Variants in SMOC2 observed in about 807,000 individuals in gnomAD.
SMOC2 encodes the protein SPARC-related modular calcium-binding protein 2.
SMOC2 carries 39 observed loss-of-function variants against 61.4 expected under a neutral mutation model. The observed-to-expected ratio is 0.64, with a 90% CI of 0.49 to 0.83. SMOC2 has a LOEUF of 0.83. SMOC2 is among the 40% of genes least tolerant of loss of function. SMOC2 has a pLI of 0.00. For missense variants in SMOC2, 556 were observed against 592.9 expected, an observed-to-expected ratio of 0.94 and a Z score of 0.65; for synonymous variants, 247 against 239.9, an observed-to-expected ratio of 1.03 and a Z score of -0.27.
intron 7 of SMOC2, among the ~76,000 whole-genome samples, chr6:168,566,522 G>A (rs1278513981): frequency 1.7e-5 from 2 of 119,028 alleles, no homozygotes; most frequent in African/African-American, 6.5e-5. Context: ...TTGCTCTGTT[G>A]CCCAGGCTGG....
intron 9 of SMOC2, among the ~76,000 whole-genome samples, chr6:168,634,768 T>A (rs1786668888): frequency 6.6e-6 from 1 of 152,234 alleles, no homozygotes; most frequent in Non-Finnish European, 1.5e-5. Context: ...GTAGACACTG[T>A]TTCTCTGTGT....
At chr6:168,519,135 G>GTGCATGTGTGAGCA (rs1783258009) in intron 2 of SMOC2, among the ~76,000 whole-genome samples, 1 of 149,900 alleles carries the variant, frequency 6.7e-6, no homozygotes. Flanking sequence ...ATGTGTATGT[G>GTGCATGTGTGAGCA]TGCATGTGTG....
intron 7 of SMOC2, among the ~76,000 whole-genome samples, chr6:168,559,974 G>T (rs1183225505): frequency 6.6e-6 from 1 of 152,188 alleles, no homozygotes; most frequent in East Asian, 1.9e-4. Context: ...TTTAAAAAAT[G>T]TTCATGCATT....
chr6:168,538,035 C>T (rs1783774217), intron 4 of SMOC2, among the ~76,000 whole-genome samples: 1 of 151,470 alleles, frequency 6.6e-6, no homozygotes, highest in African/African-American at 2.4e-5. Context: ...ATGGGGTGAC[C>T]ACTGCTGGAA....
At chr6:168,500,609 G>C (rs542155937) in intron 1 of SMOC2, among the ~76,000 whole-genome samples, 1 of 152,096 alleles carries the variant, frequency 6.6e-6, no homozygotes, top group Non-Finnish European at 1.5e-5. Context: ...GTGGCTACGC[G>C]AATGTGGCTC....
chr6:168,617,813 G>T (rs1241109486), intron 9 of SMOC2, among the ~76,000 whole-genome samples: 3 of 152,216 alleles, frequency 2.0e-5, no homozygotes, highest in African/African-American at 7.2e-5. Flanking sequence ...CCTTACCCCA[G>T]TGCATTTTCT....
intron 7 of SMOC2, among the ~76,000 whole-genome samples, chr6:168,580,338 C>A (rs9456216): frequency 0.049 from 7,502 of 152,216 alleles, 658 homozygotes; most frequent in African/African-American, 0.17. Context: ...TCTAATTTTC[C>A]TTTTCACGGG....
intron 9 of SMOC2, among the ~76,000 whole-genome samples, chr6:168,642,193 C>T (rs1390046736): frequency 2.0e-5 from 3 of 152,170 alleles, no homozygotes; most frequent in African/African-American, 4.8e-5. Flanking sequence ...TCAGAGACTC[C>T]AGCACAGCCA....
chr6:168,479,899 T>A (rs1417227096), intron 1 of SMOC2, among the ~76,000 whole-genome samples: 1 of 152,156 alleles, frequency 6.6e-6, no homozygotes, highest in African/African-American at 2.4e-5. Context: ...CCCTTTATTT[T>A]ACTTTTTCCT....
intron 9 of SMOC2, among the ~76,000 whole-genome samples, chr6:168,619,859 G>A (rs1362480942): frequency 2.0e-5 from 3 of 152,210 alleles, no homozygotes; most frequent in Non-Finnish European, 4.4e-5. Context: ...TGCCTGCCAT[G>A]GTTAGAAAGC....
At chr6:168,511,623 G>C (rs1783010671) in intron 2 of SMOC2, among the ~76,000 whole-genome samples, 2 of 152,094 alleles carry the variant, frequency 1.3e-5, no homozygotes, top group Admixed American at 1.3e-4. Flanking sequence ...ACTTTTCCCA[G>C]ATTTAGTGCT....
In SMOC2 at chr6:168,650,775, G is replaced by A. The variant is rs370611719; in HGVS notation, c.1002G>A (p.Ser334=). ...ACGCCGCCTCCGACCCCTCCTCCTCGTCAGGCAGGTACGCTGTGTTCGCCG... is the reference window on the plus strand; with the variant it reads ...ACGCCGCCTCCGACCCCTCCTCCTCATCAGGCAGGTACGCTGTGTTCGCCG... The part of the protein sequence containing the change: ...MVHAASDPSS[S]SGRLSEPDPS... The change falls in exon 10 of 13, where the codon TCG becomes TCA. Residue 334 remains serine (S), a synonymous_variant. Coordinates refer to ENST00000356284, the MANE Select transcript of SMOC2 (RefSeq NM_001166412.2). 5.4e-4 allele frequency: 873 copies of A among 1,610,852 alleles called. 10 individuals carry two copies. The South Asian group carries it at 8.7e-3, about 16-fold the overall frequency.
chr6:168,558,657 G>A (rs980833849), intron 7 of SMOC2, among the ~76,000 whole-genome samples: 1 of 152,230 alleles, frequency 6.6e-6, no homozygotes, highest in African/African-American at 2.4e-5. Context: ...TGGTGTCTAG[G>A]AATGGAATTA....
chr6:168,567,660 T>C (rs1321366050), intron 7 of SMOC2, among the ~76,000 whole-genome samples: 1 of 152,098 alleles, frequency 6.6e-6, no homozygotes, highest in Non-Finnish European at 1.5e-5. Flanking sequence ...CTTGAGCAAA[T>C]AAAAGGAGAG....
intron 8 of SMOC2, among the ~76,000 whole-genome samples, chr6:168,607,506 T>C (rs1008012567): frequency 6.6e-6 from 1 of 152,134 alleles, no homozygotes; most frequent in African/African-American, 2.4e-5. Flanking sequence ...CCAGGGCACC[T>C]GCCCTCTTGG....
intron 8 of SMOC2, among the ~76,000 whole-genome samples, chr6:168,605,797 C>A (rs1785671713): frequency 6.6e-6 from 1 of 152,034 alleles, no homozygotes; most frequent in South Asian, 2.1e-4. Flanking sequence ...GTTAACACTT[C>A]CTTTTTCTAA....
chr6:168,510,097 G>C lies in SMOC2; in HGVS notation c.256+11G>C. The C allele has an allele frequency of 6.2e-7, 1 of 1,610,696 alleles. No homozygotes were observed. Among genetic ancestry groups the C allele is most frequent in the Non-Finnish European group, 8.5e-7 (1 of 1,177,112 alleles). ...GAGGAAACTGCAAAGGTAAGCTGCTGTTTGATCATTCATCCAAAGATGGGT... is the reference window on the plus strand; with the variant it reads ...GAGGAAACTGCAAAGGTAAGCTGCTCTTTGATCATTCATCCAAAGATGGGT... On this transcript the variant is annotated intron_variant, in intron 2 of 12. Transcript: ENST00000356284.
chr6:168,583,434 G>A (rs1477111186), intron 7 of SMOC2, among the ~76,000 whole-genome samples: 8 of 152,210 alleles, frequency 5.3e-5, no homozygotes, highest in Non-Finnish European at 7.3e-5. Flanking sequence ...CTGTCATATC[G>A]GAAACTATTC....
intron 4 of SMOC2, 51 bp downstream of exon 4, chr6:168,527,778 C>A: frequency 8.0e-7 from 1 of 1,247,072 alleles, no homozygotes; most frequent in Non-Finnish European, 1.1e-6. Flanking sequence ...AATTGGTTTG[C>A]CGTTTCTTCT....
Sources: gnomAD v4.1 joint callset for allele counts (sites outside exome capture counted in the v4.1 genomes callset) on GRCh38, gnomAD v4.1.1 for gene constraint, MANE v1.5 for transcripts, NCBI Gene and HGNC (gene_info 2026-07-23, HGNC 2026-07-21) for gene names.